KRT7: variants seen among roughly 807,000 people sequenced by gnomAD.
KRT7 encodes the protein keratin, type II cytoskeletal 7.
Under a neutral mutation model 42.8 loss-of-function variants are expected in KRT7, and 50 were observed. The observed-to-expected ratio is 1.17, with a 90% CI of 0.93 to 1.48. The LOEUF (loss-of-function observed/expected upper bound fraction) is 1.48. KRT7 is among the 40% of genes most tolerant of loss of function. The pLI is 0.00. For missense variants in KRT7, 588 were observed against 637.6 expected (o/e 0.92, Z 0.84); for synonymous variants, 268 against 266.3 (o/e 1.01, Z -0.06).
At chr12:52,250,508 G>T, downstream of KRT7, 1 of 747,434 alleles carries the variant, frequency 1.3e-6, no homozygotes. Context: ...TGCTCTGGCC[G>T]CAGGGCGCAC....
chr12:52,241,865 T>C, intron 5 of KRT7: 1 of 412,560 alleles, frequency 2.4e-6, no homozygotes, highest in Non-Finnish European at 4.4e-6. Context: ...GGCAAGTACT[T>C]ACACAGTACT....
At chr12:52,250,225 C>T (rs559295213), downstream of KRT7, among the ~76,000 whole-genome samples, 95 of 152,340 alleles carry the variant, frequency 6.2e-4, no homozygotes, top group Non-Finnish European at 1.0e-3. Flanking sequence ...CCTAGGGCTG[C>T]GAGGACAGTC....
chr12:52,235,838 A>G (rs1195415407), intron 2 of KRT7, among the ~76,000 whole-genome samples: 1 of 152,174 alleles, frequency 6.6e-6, no homozygotes, highest in Non-Finnish European at 1.5e-5. Flanking sequence ...CTTGAATTTT[A>G]GGTCCCTGAC....
downstream of KRT7, chr12:52,253,225 G>T: frequency 6.2e-7 from 1 of 1,608,462 alleles, no homozygotes. Context: ...GGCACTTGGC[G>T]TTCTCCACCT....
At position 52,235,345 on chromosome 12, in the gene KRT7, T is replaced by C. The variant is rs779841914; in HGVS notation, c.515T>C (p.Val172Ala). The C allele has an allele frequency of 1.6e-5, 25 of 1,612,130 alleles. No individual in the cohort carries two copies. Among genetic ancestry groups the C allele is most frequent in the Non-Finnish European group, 2.1e-5 (25 of 1,179,152 alleles). The change falls in exon 2 of 9, where the codon GTG (valine) becomes GCG (alanine). Residue 172 changes from valine to alanine, a missense_variant. Val to Ala is a moderately conservative substitution (Grantham distance 64). Transcript: ENST00000331817. ...LEAELRSMQD[V>A]VEDFKNKYED... Reference sequence around the variant, plus strand: ...GCGGAGCTGCGGAGCATGCAGGATGTGGTGGAGGACTTCAAGAATAAGTAA... The same window carrying C: ...GCGGAGCTGCGGAGCATGCAGGATGCGGTGGAGGACTTCAAGAATAAGTAA...
At chr12:52,234,128 G>GGT (rs1555181954) in intron 1 of KRT7, among the ~76,000 whole-genome samples, 1 of 6,796 alleles carries the variant, frequency 1.5e-4, no homozygotes, top group African/African-American at 5.3e-4. Flanking sequence ...GGGCGGGGGA[G>GGT]GGGGGGGGGC....
chr12:52,241,356 A>G (rs967498104), intron 4 of KRT7, 116 bp from the exon 5 acceptor site: 1 of 884,688 alleles, frequency 1.1e-6, no homozygotes, highest in Non-Finnish European at 1.7e-6. Flanking sequence ...CTGCCTGGTG[A>G]CTCAGCCCAC....
chr12:52,237,721 C>CGTGT lies in KRT7; in HGVS notation c.597+153_597+156dup, dbSNP rs1202496423. On this transcript the variant is annotated intron_variant, in intron 3 of 8. Transcript: ENST00000331817. ...GTCTGCACAGCCTGTCCTGTGGGTG[C>CGTGT]GTGTATGTGTGTGTGTGTGTGTGTG... 4.9e-3 allele frequency: 1,594 copies of CGTGT among 322,988 alleles called. 13 individuals are homozygous for CGTGT. Among genetic ancestry groups the CGTGT allele is most frequent in the African/African-American group, 0.048 (1,412 of 29,272 alleles). The allele number at this position is 322,988 out of a possible 1,614,324, so 20.0% of individuals were successfully genotyped here.
chr12:52,247,932 G>A, intron 7 of KRT7: 1 of 566,292 alleles, frequency 1.8e-6, no homozygotes, highest in Non-Finnish European at 3.2e-6. Context: ...CCAAGGCATA[G>A]GTGGGAAATG....
chr12:52,239,173 C>T (rs1014655720), intron 4 of KRT7, among the ~76,000 whole-genome samples: 5 of 152,108 alleles, frequency 3.3e-5, no homozygotes. Context: ...GCCTACAATG[C>T]ATTGCAATCC....
downstream of KRT7, among the ~76,000 whole-genome samples, chr12:52,249,990 G>T (rs1183316034): frequency 1.3e-5 from 2 of 152,292 alleles, no homozygotes; most frequent in East Asian, 1.9e-4. Context: ...AGGAAGGAGA[G>T]ACTCTCAGGG....
intron 6 of KRT7, chr12:52,244,649 A>T: frequency 1.0e-6 from 1 of 985,780 alleles, no homozygotes; most frequent in Non-Finnish European, 1.2e-6. Flanking sequence ...GGGGACAGGG[A>T]TGGTGGTTTT....
chr12:52,254,204 G>A, downstream of KRT7: 1 of 631,858 alleles, frequency 1.6e-6, no homozygotes, highest in Non-Finnish European at 3.0e-6. Flanking sequence ...GCTGAATGGT[G>A]ACAAGTATTT....
In KRT7 at chr12:52,245,880, G is replaced by A. The variant is rs567596179; in HGVS notation, c.1205+248G>A. 6.4e-4 allele frequency: 349 copies of A among 542,226 alleles called. 10 individuals are homozygous for A. The South Asian group carries it at 8.5e-3, about 13-fold the overall frequency. 33.6% of individuals were successfully genotyped at this position (542,226 alleles called of 1,614,324 possible). ...TGATAACAGTCCCTTTGTGTGTGCG[G>A]CTTCTTAGGGTTATCATATTTGATC... On this transcript the variant is annotated intron_variant, in intron 7 of 8. Transcript: ENST00000331817.
At chr12:52,249,862 G>T (rs1278868818), downstream of KRT7, among the ~76,000 whole-genome samples, 1 of 152,108 alleles carries the variant, frequency 6.6e-6, no homozygotes, top group Non-Finnish European at 1.5e-5. Context: ...ATGCTGAGGT[G>T]GGGGCTGGGG....
At chr12:52,235,113 G>A (rs529339761) in intron 1 of KRT7, 42 bp from the exon 2 acceptor site, 5 of 1,589,838 alleles carry the variant, frequency 3.1e-6, no homozygotes, top group Non-Finnish European at 4.3e-6. Context: ...TGGGTGGCAC[G>A]CTCTGGCTCC....
intron 3 of KRT7, 34 bp from the exon 4 acceptor site, chr12:52,238,646 G>T (rs772720002): frequency 4.7e-6 from 6 of 1,289,362 alleles, no homozygotes; most frequent in Non-Finnish European, 6.8e-6. Flanking sequence ...TGAGGACATG[G>T]TCTCCCTCTG....
At chr12:52,246,394 C>T (rs1306856030) in intron 7 of KRT7, 3 of 152,174 alleles carry the variant, frequency 2.0e-5, no homozygotes, top group Non-Finnish European at 4.4e-5. Context: ...ACAGAGGAAA[C>T]CCCCAGAGAC....
At chr12:52,247,568 C>T (rs552035369) in intron 7 of KRT7, 45 of 153,520 alleles carry the variant, frequency 2.9e-4, no homozygotes, top group Admixed American at 1.7e-3. Flanking sequence ...CCAGCTGTCC[C>T]GAATGGATTT....
Sources: allele counts gnomAD v4.1 joint callset (sites outside exome capture counted in the v4.1 genomes callset), GRCh38; gene constraint gnomAD v4.1.1; transcripts MANE v1.5; gene names NCBI Gene and HGNC (gene_info 2026-07-23, HGNC 2026-07-21).